The following PCDHA7 variants were observed in gnomAD, a reference collection of about 807,000 sequenced individuals.
PCDHA7 encodes protocadherin alpha-7.
A neutral mutation model predicts 57.2 loss-of-function variants in PCDHA7; 37 were observed. The ratio of observed to expected loss-of-function variants is 0.65; its 90% CI spans 0.50 to 0.85. PCDHA7 has a LOEUF of 0.85. Ranked by LOEUF, PCDHA7 falls within the 40% of genes least tolerant of loss-of-function variation. PCDHA7 has a pLI of 0.00. For synonymous variants in PCDHA7, 553 were observed against 558.8 expected, an observed-to-expected ratio of 0.99 and a Z score of 0.15; for missense variants, 1,188 against 1,241.8, an observed-to-expected ratio of 0.96 and a Z score of 0.65.
At chr5:140,886,155 T>A (rs528104847) in intron 1 of PCDHA7, among the ~76,000 whole-genome samples, 1 of 152,330 alleles carries the variant, frequency 6.6e-6, no homozygotes, top group South Asian at 2.1e-4. Flanking sequence ...CACCTTTTTA[T>A]AGCCACATCT....
intron 1 of PCDHA7, among the ~76,000 whole-genome samples, chr5:140,874,822 T>C (rs2055124014): frequency 6.6e-6 from 1 of 152,252 alleles, no homozygotes; most frequent in East Asian, 1.9e-4. Context: ...TTTATATAAA[T>C]GAAATATTGT....
At chr5:140,991,247 T>C (rs1211585397) in intron 3 of PCDHA7, among the ~76,000 whole-genome samples, 1 of 152,200 alleles carries the variant, frequency 6.6e-6, no homozygotes, top group Non-Finnish European at 1.5e-5. Flanking sequence ...AAAGGCAGTA[T>C]TTGAACTCAT....
intron 1 of PCDHA7, chr5:140,843,893 C>A: frequency 1.5e-6 from 1 of 677,036 alleles, no homozygotes; most frequent in South Asian, 2.1e-5. Context: ...CAGTATTAAT[C>A]ATTCTCCACA....
chr5:140,945,927 G>A (rs1036727708), intron 1 of PCDHA7, among the ~76,000 whole-genome samples: 1 of 152,038 alleles, frequency 6.6e-6, no homozygotes, highest in East Asian at 1.9e-4. Flanking sequence ...ACTGATCTGA[G>A]CAATGATGTT....
In PCDHA7 at chr5:140,835,907, G is replaced by T. The variant is rs2150248091; in HGVS notation, c.1524G>T (p.Val508=). Residue 508 remains valine, a synonymous_variant, in exon 1 of 4, where the codon GTG becomes GTT. Transcript: ENST00000525929. ...GCGAGCGCGCGCTGTCGAGCTACGT[G>T]TCAGTGCACGCGGAGAGCGGCAAGG... is the stretch of plus-strand genomic sequence containing the variant. The part of the protein sequence containing the change: ...RVGERALSSY[V]SVHAESGKVY... 1 of 1,612,200 alleles carries T rather than the reference G, an allele frequency of 6.2e-7. No individual in the cohort carries two copies.
At chr5:140,856,128 G>C in intron 1 of PCDHA7, 1 of 1,598,140 alleles carries the variant, frequency 6.3e-7, no homozygotes, top group Non-Finnish European at 8.6e-7. Context: ...GAGGTGGGGA[G>C]CGGCCAGCTC....
rs892297422 is a variant in PCDHA7, at chr5:140,851,955, G to T, written c.2355+15217G>T. The T allele has an allele frequency of 3.1e-6, 3 of 975,116 alleles. 1 individual carries two copies. Among genetic ancestry groups the T allele is most frequent in the Non-Finnish European group, 3.7e-6 (3 of 807,888 alleles). The allele number at this position is 975,116 out of a possible 1,614,324, so 60.4% of individuals were successfully genotyped here. A position where few individuals can be genotyped will look rare whatever the true frequency, so the allele number is the denominator to read the frequency against. On this transcript the variant is annotated intron_variant, in intron 1 of 3. Transcript: ENST00000525929. Reference sequence around the variant, plus strand: ...ATTGTAGTATGTGACTTTCAAAATGGTGGTTTTCCACACTCTACCTTTAGT... The same window carrying T: ...ATTGTAGTATGTGACTTTCAAAATGTTGGTTTTCCACACTCTACCTTTAGT...
rs144735555 is a variant in PCDHA7 at position 140,884,569 on chromosome 5, G to C, written c.2355+47831G>C. The stretch of plus-strand genomic sequence containing the variant: ...GCTCTGGGGAGGGCCCGCATAAGAC[G>C]GACCTCATGGCCTTCAGTCCCAGCC... On this transcript the variant is annotated intron_variant, in intron 1 of 3. Transcript: ENST00000525929. 7 of 1,614,008 alleles carry C rather than the reference G, an allele frequency of 4.3e-6. No individual in the cohort carries two copies. In the African/African-American group the frequency reaches 8.0e-5, roughly 18 times the overall value.
At chr5:140,836,871 T>C in intron 1 of PCDHA7, 133 bp downstream of exon 1, 1 of 696,422 alleles carries the variant, frequency 1.4e-6, no homozygotes, top group South Asian at 2.4e-5. Context: ...TGTTATGCTG[T>C]ATTTGCACTA....
At position 141,011,407 on chromosome 5, in the gene PCDHA7, G is replaced by A. The variant is rs782613069; in HGVS notation, c.*1470G>A. On this transcript the variant is annotated 3_prime_UTR_variant, in exon 4 of 4. Coordinates refer to ENST00000525929, the MANE Select transcript of PCDHA7 (RefSeq NM_018910.3). ...TGAAATATACTTACTCTGTGCTTGT[G>A]TATGTGAATGTTAATGCAACTATTA... is the stretch of plus-strand genomic sequence containing the variant. The A allele has an allele frequency of 2.0e-5, 3 of 153,718 alleles. No individual in the cohort carries two copies. The highest frequency in any genetic ancestry group is 6.5e-5 in the Admixed American group (1 of 15,284). The allele number at this position is 153,718 out of a possible 1,614,324, so 9.5% of individuals were successfully genotyped here.
chr5:140,871,594 A>G (rs1278020366), intron 1 of PCDHA7: 2 of 1,456,310 alleles, frequency 1.4e-6, no homozygotes, highest in Non-Finnish European at 1.8e-6. Context: ...TTTATGAATA[A>G]CCAGTGTTTT....
intron 1 of PCDHA7, among the ~76,000 whole-genome samples, chr5:140,977,388 T>C (rs1187960215): frequency 6.6e-6 from 1 of 152,248 alleles, no homozygotes; most frequent in East Asian, 1.9e-4. Flanking sequence ...TCCAGGTTTA[T>C]AAAATGATTT....
At chr5:141,000,899 C>T (rs1013993633) in intron 3 of PCDHA7, among the ~76,000 whole-genome samples, 18 of 151,966 alleles carry the variant, frequency 1.2e-4, no homozygotes, top group African/African-American at 2.7e-4. Flanking sequence ...CAGATATAGA[C>T]GCTGTCTCTA....
rs782619715 is a variant in PCDHA7, at chr5:140,883,236, T to C, written c.2355+46498T>C. 1.2e-5 allele frequency: 20 copies of C among 1,613,888 alleles called. No individual in the cohort carries two copies. Among genetic ancestry groups the C allele is most frequent in the Non-Finnish European group, 1.7e-5 (20 of 1,180,006 alleles). On this transcript the variant is annotated intron_variant, in intron 1 of 3. Coordinates refer to ENST00000525929, the MANE Select transcript of PCDHA7 (RefSeq NM_018910.3). ...TTATATGAAATATCCGTGGAGGCAGTTGACAAAGGAAATATTCCAATGGCG... is the reference window on the plus strand; with the variant it reads ...TTATATGAAATATCCGTGGAGGCAGCTGACAAAGGAAATATTCCAATGGCG...
chr5:140,978,820 T>C (rs2096824926), intron 1 of PCDHA7, 129 bp from the exon 2 acceptor site: 1 of 1,517,496 alleles, frequency 6.6e-7, no homozygotes, highest in East Asian at 2.4e-5. Context: ...GAGTTACACA[T>C]GAAATGGCTC....
chr5:140,835,736 C>A lies in PCDHA7; in HGVS notation c.1353C>A (p.Asn451Lys), dbSNP rs2150243450. 6.2e-6 allele frequency: 10 copies of A among 1,613,590 alleles called. No individual in the cohort carries two copies. The African/African-American group carries it at 1.1e-4, about 17-fold the overall frequency. Reference protein sequence around the residue: ...VSVEVADVNDNAPAFAQPEYT... With the variant: ...VSVEVADVNDKAPAFAQPEYT... ...TGGAGGTGGCCGACGTGAACGACAA[C>A]GCCCCGGCGTTCGCGCAGCCCGAGT... is the stretch of plus-strand genomic sequence containing the variant. The change falls in exon 1 of 4, where the codon AAC becomes AAA. Residue 451 changes from asparagine (N) to lysine (K), a missense_variant. Transcript: ENST00000525929.
rs1247544483 is a variant in PCDHA7, at chr5:140,836,573, C to T, written c.2190C>T (p.Gly730=). 4.3e-6 allele frequency: 7 copies of T among 1,613,572 alleles called. 1 individual carries two copies. Among genetic ancestry groups the T allele is most frequent in the Non-Finnish European group, 5.9e-6 (7 of 1,179,840 alleles). ...GGTGCTCAGCGCCGTCCTCTGAGGGCGCATGTAGTTTGGTAAAGCCCACTC... is the reference window on the plus strand; with the variant it reads ...GGTGCTCAGCGCCGTCCTCTGAGGGTGCATGTAGTTTGGTAAAGCCCACTC... ...ALRCSAPSSE[G]ACSLVKPTLV... The change falls in exon 1 of 4, where the codon GGC becomes GGT. Residue 730 remains glycine, a synonymous_variant. Coordinates refer to ENST00000525929, the MANE Select transcript of PCDHA7 (RefSeq NM_018910.3).
chr5:140,858,616 T>G (rs1562539811), intron 1 of PCDHA7: 1 of 1,182,404 alleles, frequency 8.5e-7, no homozygotes, highest in Non-Finnish European at 1.2e-6. Context: ...TTTTTTATCC[T>G]ACCCAGTGTG....
At chr5:140,965,994 T>C (rs1377339531) in intron 1 of PCDHA7, among the ~76,000 whole-genome samples, 1 of 152,130 alleles carries the variant, frequency 6.6e-6, no homozygotes, top group Non-Finnish European at 1.5e-5. Context: ...TCTGCAGTAC[T>C]TAAGAGTGTC....
Sources: gnomAD v4.1 joint callset for allele counts (sites outside exome capture counted in the v4.1 genomes callset) on GRCh38, gnomAD v4.1.1 for gene constraint, MANE v1.5 for transcripts, NCBI Gene and HGNC (gene_info 2026-07-23, HGNC 2026-07-21) for gene names.